MCUB: variants seen among roughly 807,000 people sequenced by gnomAD.
MCUB encodes the protein calcium uniporter regulatory subunit MCUb, mitochondrial.
A neutral mutation model predicts 41.4 loss-of-function variants in MCUB; 46 were observed. The ratio of observed to expected loss-of-function variants is 1.11; its 90% CI spans 0.88 to 1.42. MCUB has a LOEUF of 1.42. Ranked by LOEUF, MCUB falls within the 40% of genes most tolerant of loss-of-function variation. The probability of loss-of-function intolerance (pLI) is 0.00; values close to 1 mark genes in which losing one functional copy is unlikely to be tolerated. For synonymous variants in MCUB, 148 were observed against 148.2 expected, an observed-to-expected ratio of 1.00 and a Z score of 0.01; for missense variants, 403 against 404.9, an observed-to-expected ratio of 1.00 and a Z score of 0.04.
At chr4:109,675,618 G>C (rs542050701) in intron 4 of MCUB, among the ~76,000 whole-genome samples, 1 of 152,326 alleles carries the variant, frequency 6.6e-6, no homozygotes, top group Admixed American at 6.5e-5. Flanking sequence ...GCTGTACTTT[G>C]AGTATGTTTC....
At position 109,660,413 on chromosome 4, in the gene MCUB, T is replaced by G. The variant is rs202158920; in HGVS notation, c.346+48T>G. The stretch of plus-strand genomic sequence containing the variant: ...AACTTTGTCCCAGGGTTTCTGTCTC[T>G]CCTGAACTTTTGTTTGGTTCTTTAC... On this transcript the variant is annotated intron_variant, in intron 3 of 7. Coordinates refer to ENST00000394650, the MANE Select transcript of MCUB (RefSeq NM_017918.5). 279 of 1,075,614 alleles carry G rather than the reference T, an allele frequency of 2.6e-4. No individual in the cohort carries two copies. The East Asian group carries it at 6.9e-3, about 27-fold the overall frequency. 66.6% of individuals were successfully genotyped at this position (1,075,614 alleles called of 1,614,324 possible).
Position 109,687,582 on chromosome 4 carries a change from A to AAAAG in MCUB, c.1004_1007dup (p.Asn336LysfsTer8), listed in dbSNP as rs773908300. On this transcript the variant is annotated frameshift_variant, in exon 8 of 8. Coordinates refer to ENST00000394650, the MANE Select transcript of MCUB (RefSeq NM_017918.5). LOFTEE classifies it high-confidence loss of function. ...CAAATGCAAGTAGAAGAACTCAATG[A>AAAAG]AAAGAATTAATCTTACAGTTTTAAA... is the stretch of plus-strand genomic sequence containing the variant. 8 of 1,603,936 alleles carry AAAAG rather than the reference A, an allele frequency of 5.0e-6. No individual in the cohort carries two copies. In the Admixed American group the frequency reaches 1.3e-4, roughly 27 times the overall value.
chr4:109,684,443 G>T lies in MCUB; in HGVS notation c.613G>T (p.Val205Leu). ...LKEQLQPLEQ[V>L]KAGIEAHSEA... is the part of the protein sequence containing the mutation. The stretch of plus-strand genomic sequence containing the variant: ...TTAACAGTTTTTCATTCCCCCTCAG[G>T]TGAAAGCTGGAATAGAAGCTCATTC... The change falls in exon 6 of 8, where the codon GTG becomes TTG. Residue 205 changes from valine to leucine, a missense_variant and splice_region_variant. Transcript: ENST00000394650. 1.2e-6 allele frequency: 2 copies of T among 1,606,856 alleles called. No individual in the cohort carries two copies. The highest frequency in any genetic ancestry group is 1.7e-6 in the Non-Finnish European group (2 of 1,176,632).
chr4:109,672,388 G>A (rs1311383312), intron 4 of MCUB, among the ~76,000 whole-genome samples: 5 of 152,200 alleles, frequency 3.3e-5, no homozygotes, highest in African/African-American at 1.2e-4. Context: ...TCATGAAAGT[G>A]TGGGAGTTTT....
chr4:109,643,403 T>TC (rs1728765387), intron 1 of MCUB, among the ~76,000 whole-genome samples: 1 of 152,016 alleles, frequency 6.6e-6, no homozygotes, highest in African/African-American at 2.4e-5. Flanking sequence ...CAGGCTGGTC[T>TC]CCAACTCCTG....
intron 1 of MCUB, among the ~76,000 whole-genome samples, chr4:109,584,400 G>C (rs1178871476): frequency 1.3e-5 from 2 of 152,152 alleles, no homozygotes; most frequent in African/African-American, 4.8e-5. Flanking sequence ...CAAAAAACTA[G>C]CCCCTGGATT....
At chr4:109,627,243 A>T (rs1280150142) in intron 1 of MCUB, among the ~76,000 whole-genome samples, 1 of 152,206 alleles carries the variant, frequency 6.6e-6, no homozygotes, top group Non-Finnish European at 1.5e-5. Flanking sequence ...GAAGATGACC[A>T]GTGTTTGCTG....
At chr4:109,623,727 T>C (rs912577929) in intron 1 of MCUB, among the ~76,000 whole-genome samples, 2 of 152,208 alleles carry the variant, frequency 1.3e-5, no homozygotes, top group Non-Finnish European at 2.9e-5. Context: ...ATTCGCTTCT[T>C]ATTTATTATC....
chr4:109,614,428 T>C (rs1477142989), intron 1 of MCUB, among the ~76,000 whole-genome samples: 1 of 151,854 alleles, frequency 6.6e-6, no homozygotes, highest in East Asian at 1.9e-4. Flanking sequence ...GATTAGTGTC[T>C]TTACAAGAAG....
intron 1 of MCUB, among the ~76,000 whole-genome samples, chr4:109,596,335 C>T (rs1381006473): frequency 8.0e-6 from 1 of 125,678 alleles, no homozygotes; most frequent in Non-Finnish European, 1.6e-5. Flanking sequence ...CAGTCCAAAA[C>T]AGGGTCCTTG....
intron 1 of MCUB, among the ~76,000 whole-genome samples, chr4:109,581,787 A>G (rs577857825): frequency 6.9e-4 from 105 of 152,370 alleles, no homozygotes; most frequent in African/African-American, 2.4e-3. Flanking sequence ...AATGCTTATC[A>G]TCACTGGCCA....
chr4:109,602,490 C>T (rs1727767502), intron 1 of MCUB, among the ~76,000 whole-genome samples: 1 of 152,166 alleles, frequency 6.6e-6, no homozygotes, highest in Admixed American at 6.5e-5. Flanking sequence ...AGCATGTGTT[C>T]TTGGCACCTT....
At chr4:109,668,404 G>A (rs1026013137) in intron 4 of MCUB, among the ~76,000 whole-genome samples, 1 of 151,928 alleles carries the variant, frequency 6.6e-6, no homozygotes, top group Non-Finnish European at 1.5e-5. Context: ...TTTACTCCTG[G>A]TAGCTTTCCT....
At chr4:109,650,699 A>G (rs1441988421) in intron 1 of MCUB, among the ~76,000 whole-genome samples, 2 of 152,202 alleles carry the variant, frequency 1.3e-5, no homozygotes, top group African/African-American at 4.8e-5. Flanking sequence ...TTAGTACATA[A>G]CCACCATCTA....
intron 4 of MCUB, among the ~76,000 whole-genome samples, chr4:109,672,695 A>G (rs1339744900): frequency 6.6e-6 from 1 of 152,214 alleles, no homozygotes; most frequent in South Asian, 2.1e-4. Context: ...AGATCAGGCA[A>G]GAGCCATCAA....
intron 4 of MCUB, 40 bp from the exon 5 acceptor site, chr4:109,682,542 A>C (rs1405267319): frequency 1.3e-6 from 2 of 1,549,704 alleles, no homozygotes; most frequent in East Asian, 2.3e-5. Flanking sequence ...CTGCGGGAAC[A>C]ATGTGGTGAC....
intron 4 of MCUB, among the ~76,000 whole-genome samples, chr4:109,664,864 G>A (rs1313409734): frequency 1.3e-5 from 2 of 151,874 alleles, no homozygotes; most frequent in Non-Finnish European, 2.9e-5. Context: ...ATGCTTAACC[G>A]ACATTATTGG....
At chr4:109,564,084 G>A (rs1013740888) in intron 1 of MCUB, among the ~76,000 whole-genome samples, 3 of 151,938 alleles carry the variant, frequency 2.0e-5, no homozygotes, top group African/African-American at 7.3e-5. Context: ...GAGATTCAAT[G>A]TTTTATGTCA....
Position 109,688,234 on chromosome 4 carries a change from T to G in MCUB, c.*642T>G, listed in dbSNP as rs1314573663. On this transcript the variant is annotated 3_prime_UTR_variant, in exon 8 of 8. Coordinates refer to ENST00000394650, the MANE Select transcript of MCUB (RefSeq NM_017918.5). ...TAACTTTCTTCAGCCTCTGGCAGAT[T>G]ATTAACAAAACAGTATTATTCAGAT... is the stretch of plus-strand genomic sequence containing the variant. The G allele has an allele frequency of 3.9e-5, 6 of 152,250 alleles. No homozygotes were observed. Among genetic ancestry groups the G allele is most frequent in the African/African-American group, 1.2e-4 (5 of 41,464 alleles). 9.4% of individuals were successfully genotyped at this position (152,250 alleles called of 1,614,324 possible).
Sources: allele counts gnomAD v4.1 joint callset (sites outside exome capture counted in the v4.1 genomes callset), GRCh38; gene constraint gnomAD v4.1.1; transcripts MANE v1.5; gene names NCBI Gene and HGNC (gene_info 2026-07-23, HGNC 2026-07-21).